RPRD1B: variants seen among roughly 807,000 people sequenced by gnomAD.
RPRD1B encodes regulation of nuclear pre-mRNA domain-containing protein 1B.
A neutral mutation model predicts 41.5 loss-of-function variants in RPRD1B; 11 were observed. The observed-to-expected ratio is 0.27, with a 90% CI of 0.17 to 0.44. RPRD1B has a LOEUF of 0.44. RPRD1B is among the 20% of genes least tolerant of loss of function. RPRD1B has a pLI of 1.00. For synonymous variants in RPRD1B, 158 were observed against 155.6 expected (o/e 1.02, Z -0.12); for missense variants, 248 against 389.9 (o/e 0.64, Z 3.06).
At chr20:38,053,382 T>C (rs1357812401) in intron 3 of RPRD1B, among the ~76,000 whole-genome samples, 1 of 152,204 alleles carries the variant, frequency 6.6e-6, no homozygotes, top group Non-Finnish European at 1.5e-5. Context: ...AGCACTAGCA[T>C]TTTCCAAGCT....
intron 6 of RPRD1B, among the ~76,000 whole-genome samples, chr20:38,083,292 G>A (rs1414256296): frequency 6.6e-6 from 1 of 152,148 alleles, no homozygotes; most frequent in Admixed American, 6.5e-5. Flanking sequence ...TTCCATAAAT[G>A]TAAGGATTTT....
intron 2 of RPRD1B, among the ~76,000 whole-genome samples, chr20:38,041,051 T>G (rs1342092643): frequency 6.6e-6 from 1 of 152,166 alleles, no homozygotes; most frequent in Non-Finnish European, 1.5e-5. Flanking sequence ...AGAAAGTAGG[T>G]GTTTGCTCTG....
At chr20:38,074,421 C>A (rs1312852687) in intron 6 of RPRD1B, among the ~76,000 whole-genome samples, 6 of 152,192 alleles carry the variant, frequency 3.9e-5, no homozygotes, top group Admixed American at 3.9e-4. Flanking sequence ...TAATGTACTT[C>A]ACATACTTAG....
At chr20:38,074,502 A>G (rs2074441190) in intron 6 of RPRD1B, among the ~76,000 whole-genome samples, 1 of 152,250 alleles carries the variant, frequency 6.6e-6, no homozygotes, top group Non-Finnish European at 1.5e-5. Context: ...CACGGTTTTA[A>G]GGCTTTCCCA....
At chr20:38,061,066 T>G (rs183303918) in intron 5 of RPRD1B, among the ~76,000 whole-genome samples, 17 of 152,366 alleles carry the variant, frequency 1.1e-4, no homozygotes, top group Admixed American at 3.9e-4. Flanking sequence ...TTTCTCTGTT[T>G]CACTGACCTA....
intron 3 of RPRD1B, among the ~76,000 whole-genome samples, chr20:38,055,079 T>C (rs188760820): frequency 1.3e-3 from 193 of 152,362 alleles, no homozygotes; most frequent in Middle Eastern, 3.4e-3. Flanking sequence ...AAGCAATCTT[T>C]ATAATCAGTG....
chr20:38,035,858 G>A (rs1054160421), intron 1 of RPRD1B, among the ~76,000 whole-genome samples: 7 of 151,376 alleles, frequency 4.6e-5, no homozygotes, highest in East Asian at 1.9e-4. Context: ...TCCACCTCCC[G>A]GGTTCATGCC....
intron 6 of RPRD1B, among the ~76,000 whole-genome samples, chr20:38,082,970 A>C (rs147767008): frequency 2.0e-5 from 3 of 152,214 alleles, no homozygotes; most frequent in Non-Finnish European, 2.9e-5. Context: ...CACACACACA[A>C]AAAAATTTGT....
chr20:38,078,166 CAAAAAA>C (rs1166192655), intron 6 of RPRD1B, among the ~76,000 whole-genome samples: 1 of 109,948 alleles, frequency 9.1e-6, no homozygotes, highest in Admixed American at 9.7e-5. Context: ...CAGGCTGTCT[CAAAAAA>C]AAAAAAAAAA....
intron 5 of RPRD1B, among the ~76,000 whole-genome samples, chr20:38,063,124 G>C (rs2074317314): frequency 6.6e-6 from 1 of 152,002 alleles, no homozygotes; most frequent in Non-Finnish European, 1.5e-5. Context: ...TGTACTTGCT[G>C]TCCCCTCTGC....
chr20:38,034,362 C>T (rs147039074), intron 1 of RPRD1B, among the ~76,000 whole-genome samples: 86 of 152,320 alleles, frequency 5.6e-4, no homozygotes, highest in African/African-American at 1.9e-3. Flanking sequence ...CAGTTTCCCC[C>T]TGACATTTGT....
At chr20:38,072,154 A>C (rs1162945250) in intron 6 of RPRD1B, among the ~76,000 whole-genome samples, 1 of 151,956 alleles carries the variant, frequency 6.6e-6, no homozygotes, top group Non-Finnish European at 1.5e-5. Flanking sequence ...TTATGTCTTA[A>C]ATTTACGTTC....
intron 3 of RPRD1B, among the ~76,000 whole-genome samples, chr20:38,051,931 A>T (rs2074188952): frequency 6.6e-6 from 1 of 152,082 alleles, no homozygotes; most frequent in Non-Finnish European, 1.5e-5. Context: ...TTGTATTTTT[A>T]GTAGAGATGG....
Position 38,091,085 on chromosome 20 carries a change from A to T in RPRD1B, c.*1210A>T, listed in dbSNP as rs982548733. 1 of 985,710 alleles carries T rather than the reference A, an allele frequency of 1.0e-6. No individual in the cohort carries two copies. Among genetic ancestry groups the T allele is most frequent in the Non-Finnish European group, 1.2e-6 (1 of 829,936 alleles). The allele number at this position is 985,710 out of a possible 1,614,324, so 61.1% of individuals were successfully genotyped here. The stretch of plus-strand genomic sequence containing the variant: ...GTTAGAGACAATTTTTATCTTGCTT[A>T]TAGTAAAGGTTCAGCCTGCCAATTG... On this transcript the variant is annotated 3_prime_UTR_variant, in exon 7 of 7. Coordinates refer to ENST00000373433, the MANE Select transcript of RPRD1B (RefSeq NM_021215.4).
intron 2 of RPRD1B, among the ~76,000 whole-genome samples, chr20:38,042,011 G>T (rs186404468): frequency 7.1e-6 from 1 of 140,184 alleles, no homozygotes; most frequent in Non-Finnish European, 1.5e-5. Context: ...ATTATGGTCT[G>T]CCCTGACACA....
intron 5 of RPRD1B, among the ~76,000 whole-genome samples, chr20:38,062,856 G>A (rs2074313729): frequency 1.9e-5 from 2 of 103,000 alleles, no homozygotes; most frequent in Non-Finnish European, 3.5e-5. Flanking sequence ...TTTTTTTTGA[G>A]ATACAGTCTC....
At chr20:38,072,031 T>A (rs527822724) in intron 6 of RPRD1B, among the ~76,000 whole-genome samples, 19 of 152,206 alleles carry the variant, frequency 1.2e-4, no homozygotes, top group Non-Finnish European at 1.3e-4. Context: ...GAGTTCCAAT[T>A]TATCTATTTT....
chr20:38,080,719 T>G (rs987358450), intron 6 of RPRD1B, among the ~76,000 whole-genome samples: 2 of 152,152 alleles, frequency 1.3e-5, no homozygotes, highest in Admixed American at 6.5e-5. Context: ...GAGATAGGGT[T>G]TCCCCATGTT....
intron 6 of RPRD1B, among the ~76,000 whole-genome samples, chr20:38,076,634 G>A (rs531880040): frequency 9.9e-5 from 15 of 152,132 alleles, no homozygotes; most frequent in Non-Finnish European, 2.1e-4. Context: ...CCAAGTGGCT[G>A]TCTTCAGAAT....
Sources: gnomAD v4.1 joint callset for allele counts (sites outside exome capture counted in the v4.1 genomes callset) on GRCh38, gnomAD v4.1.1 for gene constraint, MANE v1.5 for transcripts, NCBI Gene and HGNC (gene_info 2026-07-23, HGNC 2026-07-21) for gene names.